The following RNF115 variants were observed in gnomAD, a reference collection of about 807,000 sequenced individuals.
RNF115 encodes the protein ring finger protein 115.
In RNF115, 31 loss-of-function variants were observed where a neutral mutation model predicts 39.2. The observed-to-expected ratio is 0.79, with a 90% CI of 0.59 to 1.07. The LOEUF (loss-of-function observed/expected upper bound fraction) is 1.07, where lower values mean the gene tolerates loss of function less well. Among genes scored for constraint, RNF115 ranks in the 50% least tolerant of loss-of-function variants. The pLI, the probability that RNF115 is intolerant of heterozygous loss-of-function variation, is 0.00. For synonymous variants in RNF115, 124 were observed against 131.0 expected, an observed-to-expected ratio of 0.95 and a Z score of 0.37; for missense variants, 384 against 381.7, an observed-to-expected ratio of 1.01 and a Z score of -0.05.
intron 4 of RNF115, among the ~76,000 whole-genome samples, chr1:145,758,013 G>T (rs1553713447): frequency 6.6e-6 from 1 of 152,164 alleles, no homozygotes; most frequent in African/African-American, 2.4e-5. Flanking sequence ...CATAGAAGAA[G>T]TGTAAATAAT....
chr1:145,814,581 T>TAAAA (rs879991996), intron 1 of RNF115, among the ~76,000 whole-genome samples: 1 of 142,412 alleles, frequency 7.0e-6, no homozygotes, highest in Non-Finnish European at 1.5e-5. Context: ...AAACTCCGTT[T>TAAAA]AAAAAAAAAA....
intron 4 of RNF115, among the ~76,000 whole-genome samples, chr1:145,764,692 C>A (rs1038916344): frequency 2.6e-5 from 4 of 152,020 alleles, no homozygotes; most frequent in Non-Finnish European, 4.4e-5. Flanking sequence ...AGCAGCCACT[C>A]GGTCCGGGAG....
At chr1:145,756,468 CAAAA>C (rs1310453077) in intron 4 of RNF115, among the ~76,000 whole-genome samples, 1 of 149,008 alleles carries the variant, frequency 6.7e-6, no homozygotes, top group Non-Finnish European at 1.5e-5. Flanking sequence ...AAAAAAAAAA[CAAAA>C]AAAACACAAC....
At chr1:145,822,169 A>G (rs1650283287) in intron 1 of RNF115, among the ~76,000 whole-genome samples, 1 of 151,870 alleles carries the variant, frequency 6.6e-6, no homozygotes, top group South Asian at 2.1e-4. Context: ...TCTACTAAAA[A>G]CACAAAAATT....
intron 3 of RNF115, among the ~76,000 whole-genome samples, chr1:145,780,863 A>G (rs1648110710): frequency 6.6e-6 from 1 of 152,122 alleles, no homozygotes; most frequent in Admixed American, 6.5e-5. Context: ...GAAGCAATCC[A>G]TTCAGGTAAG....
intron 3 of RNF115, among the ~76,000 whole-genome samples, chr1:145,775,624 G>A (rs2101540401): frequency 6.6e-6 from 1 of 152,080 alleles, no homozygotes; most frequent in South Asian, 2.1e-4. Context: ...CAAACATCTG[G>A]CTTAAAGTAA....
intron 1 of RNF115, among the ~76,000 whole-genome samples, chr1:145,796,597 G>A (rs774975766): frequency 1.3e-5 from 2 of 151,932 alleles, no homozygotes; most frequent in Admixed American, 1.3e-4. Flanking sequence ...ATGTTGCCCA[G>A]GCTGGTCTTG....
rs143710814 is a variant in RNF115, at chr1:145,814,525, G to A, written c.102+9247C>T. 6.2e-3 allele frequency among the ~76,000 whole-genome samples: 936 copies of A among 151,886 alleles called. 8 individuals are homozygous for A. The highest frequency in any genetic ancestry group is 0.022 in the African/African-American group (897 of 41,374). On this transcript the variant is annotated intron_variant, in intron 1 of 8. Coordinates refer to ENST00000582693, the MANE Select transcript of RNF115 (RefSeq NM_014455.4). ...TTGAAACTGTAAGGCAGAGGATGCA[G>A]TGAGCCGAGATCGTGCCACTGCACT...
In RNF115 at chr1:145,739,424, A is replaced by G. The variant is rs587774642; in HGVS notation, c.*7442T>C. On this transcript the variant is annotated 3_prime_UTR_variant, in exon 9 of 9. Transcript: ENST00000582693. ...ACGGAAAGAGATATGGCTGAAGTAG[A>G]TGAGTAAGACTCTTATTAGTGATAG... is the stretch of plus-strand genomic sequence containing the variant. The G allele has an allele frequency of 2.6e-5, 4 of 152,298 alleles. No individual in the cohort carries two copies. In the East Asian group the frequency reaches 7.7e-4, roughly 29 times the overall value. The allele number at this position is 152,298 out of a possible 1,614,324, so 9.4% of individuals were successfully genotyped here. A position where few individuals can be genotyped will look rare whatever the true frequency, so the allele number is the denominator to read the frequency against.
At position 145,740,396 on chromosome 1, in the gene RNF115, T is replaced by G; in HGVS notation, c.*6470A>C. The G allele has an allele frequency of 6.6e-6, 1 of 152,380 alleles. No homozygotes were observed. Among genetic ancestry groups the G allele is most frequent in the Non-Finnish European group, 1.5e-5 (1 of 68,032 alleles). 9.4% of individuals were successfully genotyped at this position (152,380 alleles called of 1,614,324 possible). On this transcript the variant is annotated 3_prime_UTR_variant, in exon 9 of 9. Coordinates refer to ENST00000582693, the MANE Select transcript of RNF115 (RefSeq NM_014455.4). ...GAATATATACAAAGCAATCCCACTT[T>G]GTACATACCAACTGAGTCTTGCTTC...
At chr1:145,764,113 G>A (rs942352202) in intron 4 of RNF115, among the ~76,000 whole-genome samples, 5 of 152,208 alleles carry the variant, frequency 3.3e-5, no homozygotes, top group Non-Finnish European at 5.9e-5. Flanking sequence ...ACTGGGTTTC[G>A]CTGTGTTGGC....
intron 3 of RNF115, among the ~76,000 whole-genome samples, chr1:145,780,618 T>TAAA (rs1205816224): frequency 1.5e-5 from 1 of 64,532 alleles, no homozygotes; most frequent in Non-Finnish European, 3.1e-5. Context: ...AGACTCCGTC[T>TAAA]AAAAAAAAAA....
intron 7 of RNF115, among the ~76,000 whole-genome samples, chr1:145,749,124 T>G (rs1657985499): frequency 6.6e-6 from 1 of 152,184 alleles, no homozygotes; most frequent in Non-Finnish European, 1.5e-5. Context: ...TCAGCTAGTC[T>G]ATACGCCTAG....
chr1:145,767,578 G>C (rs1372625725), intron 4 of RNF115, among the ~76,000 whole-genome samples: 1 of 152,316 alleles, frequency 6.6e-6, no homozygotes, highest in Non-Finnish European at 1.5e-5. Flanking sequence ...GGTGGTGGCC[G>C]GGCAGAGGCT....
At chr1:145,747,179 A>T (rs1306569600) in intron 8 of RNF115, among the ~76,000 whole-genome samples, 182 bp from the exon 9 acceptor site, 1 of 152,178 alleles carries the variant, frequency 6.6e-6, no homozygotes, top group African/African-American at 2.4e-5. Flanking sequence ...GATATCTCCC[A>T]AACAGAACTT....
intron 1 of RNF115, among the ~76,000 whole-genome samples, chr1:145,798,365 T>G (rs184298611): frequency 6.6e-6 from 1 of 152,282 alleles, no homozygotes; most frequent in Admixed American, 6.5e-5. Context: ...AAAATATGAG[T>G]CCAAATTTTT....
intron 4 of RNF115, among the ~76,000 whole-genome samples, chr1:145,763,184 C>A (rs1658597926): frequency 6.6e-6 from 1 of 152,016 alleles, no homozygotes; most frequent in Non-Finnish European, 1.5e-5. Context: ...AAAATAAAAA[C>A]CAAACCTGTA....
chr1:145,803,630 C>T (rs1373208598), intron 1 of RNF115, among the ~76,000 whole-genome samples: 1 of 152,204 alleles, frequency 6.6e-6, no homozygotes. Flanking sequence ...TCAAGTGATC[C>T]ACCTGCCTCA....
At chr1:145,761,141 G>A (rs190663714) in intron 4 of RNF115, among the ~76,000 whole-genome samples, 18 of 152,320 alleles carry the variant, frequency 1.2e-4, no homozygotes, top group Non-Finnish European at 2.4e-4. Flanking sequence ...CTTGGGTGCT[G>A]TTAACCAGTT....
Sources: allele counts gnomAD v4.1 joint callset (sites outside exome capture counted in the v4.1 genomes callset), GRCh38; gene constraint gnomAD v4.1.1; transcripts MANE v1.5; gene names NCBI Gene and HGNC (gene_info 2026-07-23, HGNC 2026-07-21).